The following PKP4 variants were observed in gnomAD, a reference collection of about 807,000 sequenced individuals.
PKP4 encodes plakophilin-4.
PKP4 carries 90 observed loss-of-function variants against 145.1 expected under a neutral mutation model. That is an observed-to-expected ratio of 0.62 (90% CI 0.52 to 0.74). The LOEUF is 0.74. Among genes scored for constraint, PKP4 ranks in the 30% least tolerant of loss-of-function variants. The pLI is 0.00. For missense variants in PKP4, 1,340 were observed against 1,482.7 expected (o/e 0.90, Z 1.58); for synonymous variants, 563 against 577.2 (o/e 0.98, Z 0.35).
rs145317661 is a variant in PKP4 at position 158,485,241 on chromosome 2, C to T, written c.-6+28023C>T. ...TATTAAGCACTTACTGTATGGCAGGCACTATTCCACACATTTTATGTGAAT... is the reference window on the plus strand; with the variant it reads ...TATTAAGCACTTACTGTATGGCAGGTACTATTCCACACATTTTATGTGAAT... On this transcript the variant is annotated intron_variant, in intron 1 of 21. Transcript: ENST00000389759. Among the ~76,000 whole-genome samples the T allele has an allele frequency of 3.0e-3, 459 of 152,302 alleles. 1 individual carries two copies. Among genetic ancestry groups the T allele is most frequent in the Admixed American group, 6.3e-3 (97 of 15,292 alleles).
At chr2:158,553,647 C>G (rs990880885) in intron 2 of PKP4, among the ~76,000 whole-genome samples, 21 of 152,156 alleles carry the variant, frequency 1.4e-4, no homozygotes, top group African/African-American at 5.1e-4. Context: ...AGACTTTAAA[C>G]CTTGTCCCGC....
At chr2:158,546,753 C>T (rs2045082879) in intron 2 of PKP4, among the ~76,000 whole-genome samples, 1 of 152,132 alleles carries the variant, frequency 6.6e-6, no homozygotes, top group Middle Eastern at 3.2e-3. Flanking sequence ...GACATAGAGA[C>T]AGTACGAAAC....
At chr2:158,491,780 C>T (rs551804345) in intron 1 of PKP4, among the ~76,000 whole-genome samples, 1 of 151,840 alleles carries the variant, frequency 6.6e-6, no homozygotes, top group East Asian at 1.9e-4. Context: ...AGGTATTCTT[C>T]GTGCTTTCTT....
At chr2:158,673,562 T>C (rs1433686588) in intron 17 of PKP4, 115 bp from the exon 18 acceptor site, 2 of 767,740 alleles carry the variant, frequency 2.6e-6, no homozygotes, top group Non-Finnish European at 2.3e-6. Context: ...GTAGCCTCCA[T>C]CCCTGTGGCC....
intron 1 of PKP4, among the ~76,000 whole-genome samples, chr2:158,476,205 A>C (rs1431215283): frequency 6.6e-6 from 1 of 152,218 alleles, no homozygotes; most frequent in Non-Finnish European, 1.5e-5. Flanking sequence ...AATTTCAAAA[A>C]TAGGATTTTA....
chr2:158,472,629 A>AC (rs1691771022), intron 1 of PKP4, among the ~76,000 whole-genome samples: 1 of 151,512 alleles, frequency 6.6e-6, no homozygotes, highest in African/African-American at 2.4e-5. Context: ...AAAAAAAAAA[A>AC]AAAAGAATTA....
chr2:158,496,602 C>T (rs1695747954), intron 1 of PKP4, among the ~76,000 whole-genome samples: 1 of 152,094 alleles, frequency 6.6e-6, no homozygotes, highest in African/African-American at 2.4e-5. Flanking sequence ...TGCTTTTAAC[C>T]AGAATCTTGT....
At chr2:158,592,432 C>T (rs530328918) in intron 3 of PKP4, among the ~76,000 whole-genome samples, 33 of 151,944 alleles carry the variant, frequency 2.2e-4, no homozygotes, top group Non-Finnish European at 4.6e-4. Flanking sequence ...GAATTCATTC[C>T]TCCTTCTGCA....
At chr2:158,646,208 G>A (rs572292379) in intron 11 of PKP4, among the ~76,000 whole-genome samples, 6 of 152,178 alleles carry the variant, frequency 3.9e-5, no homozygotes, top group Non-Finnish European at 7.3e-5. Context: ...TATAGAGTAG[G>A]AGACATTAAG....
chr2:158,647,038 C>T (rs556010098), intron 11 of PKP4, among the ~76,000 whole-genome samples: 2 of 152,322 alleles, frequency 1.3e-5, no homozygotes, highest in East Asian at 3.9e-4. Context: ...AGTAAGCCCC[C>T]AGTCTGAACT....
At chr2:158,502,506 T>A (rs1486699454) in intron 1 of PKP4, among the ~76,000 whole-genome samples, 1 of 152,226 alleles carries the variant, frequency 6.6e-6, no homozygotes, top group Non-Finnish European at 1.5e-5. Context: ...CCTTGAGTTC[T>A]CTAACACATA....
chr2:158,507,601 G>A (rs954762719), intron 1 of PKP4, among the ~76,000 whole-genome samples: 2 of 152,088 alleles, frequency 1.3e-5, no homozygotes, highest in Non-Finnish European at 2.9e-5. Flanking sequence ...CAGAGGCTTG[G>A]ACTCTTGACT....
In PKP4 at chr2:158,658,275, A is replaced by G; in HGVS notation, c.2054A>G (p.Gln685Arg). 6.2e-7 allele frequency: 1 copy of G among 1,607,172 alleles called. No individual in the cohort carries two copies. The highest frequency in any genetic ancestry group is 8.5e-7 in the Non-Finnish European group (1 of 1,175,012). Residue 685 changes from glutamine to arginine, a missense_variant, in exon 12 of 22, where the codon CAG (glutamine) becomes CGG (arginine). Physicochemically the swap from Gln to Arg is conservative, Grantham distance 43 (BLOSUM62 1). Coordinates refer to ENST00000389759, the MANE Select transcript of PKP4 (RefSeq NM_003628.6). ...SFDDDHKIKF[Q>R]TSLVLRNTTG... The stretch of plus-strand genomic sequence containing the variant: ...GATGATGATCATAAAATTAAATTTC[A>G]GACTTCACTAGTTCTGCGTAACACG...
chr2:158,514,968 G>C (rs747134223), intron 1 of PKP4, among the ~76,000 whole-genome samples: 1 of 152,134 alleles, frequency 6.6e-6, no homozygotes, highest in Non-Finnish European at 1.5e-5. Flanking sequence ...ATTACTCAAT[G>C]CATCATTGCT....
chr2:158,615,194 G>A (rs944720619), intron 4 of PKP4, among the ~76,000 whole-genome samples: 2 of 151,742 alleles, frequency 1.3e-5, no homozygotes, highest in Non-Finnish European at 2.9e-5. Flanking sequence ...TTCTATATTT[G>A]GTAATTTTTT....
At chr2:158,616,869 TA>T (rs1295366335) in intron 4 of PKP4, among the ~76,000 whole-genome samples, 1 of 152,250 alleles carries the variant, frequency 6.6e-6, no homozygotes, top group Non-Finnish European at 1.5e-5. Context: ...ACCATTTTAA[TA>T]ATTTCAGGTT....
intron 1 of PKP4, among the ~76,000 whole-genome samples, chr2:158,465,551 C>T (rs1034472946): frequency 1.3e-5 from 2 of 152,036 alleles, no homozygotes; most frequent in Middle Eastern, 3.2e-3. Flanking sequence ...GCAGTATTTT[C>T]GTTTATTGTG....
At chr2:158,473,285 C>T (rs981600482) in intron 1 of PKP4, among the ~76,000 whole-genome samples, 1 of 152,076 alleles carries the variant, frequency 6.6e-6, no homozygotes, top group Admixed American at 6.6e-5. Context: ...AACTACCATT[C>T]GACCCAGCAA....
chr2:158,618,880 A>G (rs1317502186), intron 4 of PKP4, among the ~76,000 whole-genome samples: 1 of 152,194 alleles, frequency 6.6e-6, no homozygotes, highest in East Asian at 1.9e-4. Context: ...AAGCTTTAAT[A>G]TATTGGTGTC....
Sources: allele counts gnomAD v4.1 joint callset (sites outside exome capture counted in the v4.1 genomes callset), GRCh38; gene constraint gnomAD v4.1.1; transcripts MANE v1.5; gene names NCBI Gene and HGNC (gene_info 2026-07-23, HGNC 2026-07-21).